The following PELP1 variants were observed in gnomAD, a reference collection of about 807,000 sequenced individuals.
PELP1 encodes the protein proline, glutamate and leucine rich protein 1, also known as proline-, glutamic acid- and leucine-rich protein 1.
PELP1 carries 32 observed loss-of-function variants against 95.5 expected under a neutral mutation model. The observed-to-expected ratio is 0.34, with a 90% CI of 0.25 to 0.45. The LOEUF is 0.45. PELP1 is among the 20% of genes least tolerant of loss of function. PELP1 has a pLI of 1.00. For missense variants in PELP1, 1,358 were observed against 1,444.8 expected (o/e 0.94, Z 0.97); for synonymous variants, 668 against 600.1 (o/e 1.11, Z -1.65).
intron 2 of PELP1, 118 bp from the exon 3 acceptor site, chr17:4,691,111 T>G: frequency 1.3e-6 from 1 of 749,458 alleles, no homozygotes; most frequent in South Asian, 1.7e-5. Context: ...CACTGTGGTT[T>G]CCAACTCCTG....
At position 4,671,678 on chromosome 17, in the gene PELP1, C is replaced by T. The variant is rs1382059702; in HGVS notation, c.3300+13G>A. Reference sequence around the variant, plus strand: ...CTTCTCGCCCAAGGAACCTTCCCTGCCTGGCCTCTCACCTTTTCCTGGAGA... The same window carrying T: ...CTTCTCGCCCAAGGAACCTTCCCTGTCTGGCCTCTCACCTTTTCCTGGAGA... On this transcript the variant is annotated intron_variant, in intron 16 of 16. Transcript: ENST00000572293. The T allele has an allele frequency of 1.9e-6, 3 of 1,585,846 alleles. No homozygotes were observed. The South Asian group carries it at 3.4e-5, about 18-fold the overall frequency.
chr17:4,679,766 G>A (rs1422586221), intron 5 of PELP1, among the ~76,000 whole-genome samples: 1 of 152,216 alleles, frequency 6.6e-6, no homozygotes, highest in Non-Finnish European at 1.5e-5. Context: ...TTGACAAAAT[G>A]TCCTGCCCTG....
chr17:4,703,802 G>A (rs1053745046), intron 1 of PELP1, 61 bp downstream of exon 1: 2 of 1,460,318 alleles, frequency 1.4e-6, no homozygotes, highest in African/African-American at 1.4e-5. Context: ...CCGTAATCCC[G>A]GCGCACAGGT....
intron 1 of PELP1, among the ~76,000 whole-genome samples, chr17:4,698,008 G>GTTTTTT (rs60403748): frequency 2.2e-5 from 3 of 133,602 alleles, no homozygotes; most frequent in Non-Finnish European, 4.8e-5. Flanking sequence ...TTTCTGCAAG[G>GTTTTTT]TTTTTTTTTT....
intron 1 of PELP1, among the ~76,000 whole-genome samples, chr17:4,699,344 C>A (rs905435109): frequency 2.0e-5 from 3 of 151,828 alleles, no homozygotes; most frequent in African/African-American, 7.3e-5. Context: ...CGCACCACTG[C>A]ACTCCAGCCT....
intron 2 of PELP1, 114 bp downstream of exon 2, chr17:4,691,264 G>A (rs1408996732): frequency 1.3e-6 from 1 of 795,160 alleles, no homozygotes; most frequent in Non-Finnish European, 2.1e-6. Context: ...CACACTCTTG[G>A]GAATAGAGAG....
At chr17:4,678,935 CT>C (rs1393286393) in intron 5 of PELP1, among the ~76,000 whole-genome samples, 1 of 152,130 alleles carries the variant, frequency 6.6e-6, no homozygotes, top group Non-Finnish European at 1.5e-5. Flanking sequence ...CAAATTGCCC[CT>C]GGAGCCTCTG....
At chr17:4,698,275 CTT>C (rs1325568794) in intron 1 of PELP1, among the ~76,000 whole-genome samples, 3 of 152,002 alleles carry the variant, frequency 2.0e-5, no homozygotes, top group Non-Finnish European at 4.4e-5. Context: ...ATTCTGTACT[CTT>C]TAAAAATATC....
At chr17:4,683,034 T>C (rs1432588639) in intron 3 of PELP1, 82 bp from the exon 4 acceptor site, 2 of 1,378,930 alleles carry the variant, frequency 1.5e-6, no homozygotes, top group Non-Finnish European at 1.9e-6. Flanking sequence ...ACAAGCCTTC[T>C]GAGGAATGCC....
chr17:4,682,779 G>C (rs748574851), intron 4 of PELP1, 24 bp downstream of exon 4: 3 of 1,547,924 alleles, frequency 1.9e-6, no homozygotes, highest in Non-Finnish European at 2.6e-6. Flanking sequence ...GGGCCATGGG[G>C]AAGGGTCCAG....
In PELP1 at chr17:4,672,218, CTTCCTCTTCAAAATA is replaced by C; in HGVS notation, c.2758_2772del (p.Tyr920_Glu924del). On this transcript the variant is annotated inframe_deletion, in exon 16 of 17. Coordinates refer to ENST00000572293, the MANE Select transcript of PELP1 (RefSeq NM_014389.3). The stretch of plus-strand genomic sequence containing the variant: ...TCCTCAAACTCTTCTTCCTCCTCTT[CTTCCTCTTCAAAATA>C]TTCCTCTTCATCCTCTTCCTCTTCC... 1 of 1,552,754 alleles carries C rather than the reference CTTCCTCTTCAAAATA, an allele frequency of 6.4e-7. No homozygotes were observed. The highest frequency in any genetic ancestry group is 1.2e-5 in the South Asian group (1 of 84,060).
intron 3 of PELP1, among the ~76,000 whole-genome samples, chr17:4,687,897 C>T (rs1912963488): frequency 1.3e-5 from 2 of 152,190 alleles, no homozygotes; most frequent in Admixed American, 1.3e-4. Context: ...ATGAAAAACG[C>T]ACAACCAACC....
intron 1 of PELP1, among the ~76,000 whole-genome samples, chr17:4,703,130 T>C (rs1184681885): frequency 6.6e-6 from 1 of 152,204 alleles, no homozygotes; most frequent in African/African-American, 2.4e-5. Flanking sequence ...TAAAACGCTC[T>C]GCATGACCCG....
In PELP1 at chr17:4,675,002, G is replaced by T. The variant is rs773725775; in HGVS notation, c.1275-46C>A. On this transcript the variant is annotated intron_variant, in intron 11 of 16. Coordinates refer to ENST00000572293, the MANE Select transcript of PELP1 (RefSeq NM_014389.3). The surrounding 1 kb of genome is among the most constrained non-coding windows in gnomAD (Gnocchi z 4.3). The stretch of plus-strand genomic sequence containing the variant: ...GCAGTTATGAATGGGGGGTCAACAT[G>T]CCAGAAGCCCCAGCCCACCTGCACC... The T allele has an allele frequency of 1.9e-6, 3 of 1,605,624 alleles. No homozygotes were observed. In the South Asian group the frequency reaches 3.3e-5, roughly 18 times the overall value.
At position 4,672,529 on chromosome 17, in the gene PELP1, G is replaced by C. The variant is rs1191764571; in HGVS notation, c.2462C>G (p.Pro821Arg). The change falls in exon 16 of 17, where the codon CCT becomes CGT. Residue 821 changes from proline (P) to arginine (R), a missense_variant. Physicochemically the swap from Pro to Arg is moderately radical, Grantham distance 103. Coordinates refer to ENST00000572293, the MANE Select transcript of PELP1 (RefSeq NM_014389.3). ...IAPTGPPTAS[P>R]PVPAKEEPEE... ...AGGCTCCTCCTTCGCTGGCACAGGA[G>C]GGGAGGCTGTTGGTGGCCCAGTGGG... 1.3e-6 allele frequency: 2 copies of C among 1,592,640 alleles called. No individual in the cohort carries two copies. The highest frequency in any genetic ancestry group is 2.3e-5 in the East Asian group (1 of 44,316).
At chr17:4,674,992 G>A in intron 11 of PELP1, 36 bp from the exon 12 acceptor site, 2 of 1,605,552 alleles carry the variant, frequency 1.2e-6, no homozygotes, top group East Asian at 2.2e-5. Flanking sequence ...TATGAATGGG[G>A]GGTCAACATG....
chr17:4,671,763 C>T lies in PELP1; in HGVS notation c.3228G>A (p.Val1076=), dbSNP rs770374821. ...EEETEDGSDK[V]QPPPETPAEE... is the part of the protein sequence containing the mutation. ...CTGCAGGTGTCTCTGGTGGGGGCTG[C>T]ACCTTGTCACTCCCATCCTCAGTCT... Residue 1076 remains valine, a synonymous_variant, in exon 16 of 17, where the codon GTG becomes GTA. Coordinates refer to ENST00000572293, the MANE Select transcript of PELP1 (RefSeq NM_014389.3). 3.3e-6 allele frequency: 5 copies of T among 1,523,400 alleles called. No homozygotes were observed. Among genetic ancestry groups the T allele is most frequent in the Non-Finnish European group, 4.4e-6 (5 of 1,140,204 alleles). 94.4% of individuals were successfully genotyped at this position (1,523,400 alleles called of 1,614,324 possible).
At position 4,676,399 on chromosome 17, in the gene PELP1, G is replaced by A. The variant is rs759844217; in HGVS notation, c.811C>T (p.Leu271=). 1 of 1,613,546 alleles carries A rather than the reference G, an allele frequency of 6.2e-7. No individual in the cohort carries two copies. Among genetic ancestry groups the A allele is most frequent in the South Asian group, 1.1e-5 (1 of 91,058 alleles). The change falls in exon 7 of 17, where the codon CTG becomes TTG. Residue 271 remains leucine, a synonymous_variant. Transcript: ENST00000572293. ...TACAGGGCCCCCAGCAGGGTGTGCA[G>A]TGAGGCCAGCAGACTGTGTAGCTCC... ...EQELHSLLAS[L]HTLLGALYEG...
chr17:4,685,769 G>A (rs1351895843), intron 3 of PELP1, among the ~76,000 whole-genome samples: 1 of 132,644 alleles, frequency 7.5e-6, no homozygotes, highest in African/African-American at 2.9e-5. Context: ...TTCTAGCCCA[G>A]GTGACAAAAT....
Sources: gnomAD v4.1 joint callset for allele counts (sites outside exome capture counted in the v4.1 genomes callset) on GRCh38, gnomAD v4.1.1 for gene constraint, Gnocchi (gnomAD v3.1) non-coding constraint, MANE v1.5 for transcripts, NCBI Gene and HGNC (gene_info 2026-07-23, HGNC 2026-07-21) for gene names.